The following GIMAP8 variants were observed in gnomAD, a reference collection of about 807,000 sequenced individuals.
GIMAP8 encodes the protein GTPase IMAP family member 8.
In GIMAP8, 29 loss-of-function variants were observed where a neutral mutation model predicts 35.6. The observed-to-expected ratio is 0.81, with a 90% confidence interval of 0.61 to 1.11. The LOEUF (loss-of-function observed/expected upper bound fraction) is 1.11, where lower values mean the gene tolerates loss of function less well. Ranked by LOEUF, GIMAP8 falls within the 50% of genes most tolerant of loss-of-function variation. The pLI, the probability that GIMAP8 is intolerant of heterozygous loss-of-function variation, is 0.00. For missense variants in GIMAP8, 811 were observed against 805.0 expected (o/e 1.01, Z -0.09); for synonymous variants, 335 against 308.7 (o/e 1.09, Z -0.89).
chr7:150,477,081 T>G lies in GIMAP8; in HGVS notation c.1310-11T>G, dbSNP rs761285793. 1 of 1,588,804 alleles carries G rather than the reference T, an allele frequency of 6.3e-7. No homozygotes were observed. On this transcript the variant is annotated splice_polypyrimidine_tract_variant and intron_variant, in intron 4 of 4. Coordinates refer to ENST00000307271, the MANE Select transcript of GIMAP8 (RefSeq NM_175571.4). ...CCATGGTCACGAATCTTTCCCACTT[T>G]CCTTTGACAGAAACCCTGAACATTG...
At chr7:150,471,939 A>G (rs1390449480) in intron 3 of GIMAP8, among the ~76,000 whole-genome samples, 2 of 152,152 alleles carry the variant, frequency 1.3e-5, no homozygotes, top group African/African-American at 2.4e-5. Flanking sequence ...CTCTTAAAAT[A>G]CACCAGTTCA....
At chr7:150,452,885 G>A (rs1801649814) in intron 1 of GIMAP8, among the ~76,000 whole-genome samples, 1 of 150,650 alleles carries the variant, frequency 6.6e-6, no homozygotes, top group Admixed American at 6.6e-5. Flanking sequence ...ACTGCGCCCG[G>A]CCTCCCTCTC....
Position 150,474,189 on chromosome 7 carries a change from T to C in GIMAP8, c.860T>C (p.Leu287Ser), listed in dbSNP as rs1399118689. The C allele has an allele frequency of 1.2e-6, 2 of 1,613,986 alleles. No homozygotes were observed. The highest frequency in any genetic ancestry group is 1.7e-6 in the Non-Finnish European group (2 of 1,179,986). ...FSEQSVTQSF[L>S]SESRSWRKKK... ...GAGCAGTCAGTAACCCAGAGCTTCT[T>C]GTCTGAGAGCAGAAGCTGGAGAAAA... is the stretch of plus-strand genomic sequence containing the variant. The change falls in exon 4 of 5, where the codon TTG becomes TCG. Residue 287 changes from leucine (L) to serine (S), a missense_variant. Leu to Ser is a moderately radical substitution (Grantham distance 145). Transcript: ENST00000307271.
chr7:150,465,683 C>T (rs1801940589), intron 1 of GIMAP8, among the ~76,000 whole-genome samples: 1 of 152,180 alleles, frequency 6.6e-6, no homozygotes, highest in Non-Finnish European at 1.5e-5. Flanking sequence ...AGAGCTGACT[C>T]TGTGGGCTGG....
At position 150,474,089 on chromosome 7, in the gene GIMAP8, G is replaced by T. The variant is rs1214559835; in HGVS notation, c.760G>T (p.Gly254Trp). 1 of 1,614,192 alleles carries T rather than the reference G, an allele frequency of 6.2e-7. No homozygotes were observed. The highest frequency in any genetic ancestry group is 8.5e-7 in the Non-Finnish European group (1 of 1,180,028). ...GTSELTVLLVGKRGAGKSAAG... is the reference protein window; with the variant it reads ...GTSELTVLLVWKRGAGKSAAG... Reference sequence around the variant, plus strand: ...ATCAGAACTGACAGTCCTCCTTGTGGGGAAACGCGGTGCTGGAAAAAGTGC... The same window carrying T: ...ATCAGAACTGACAGTCCTCCTTGTGTGGAAACGCGGTGCTGGAAAAAGTGC... Residue 254 changes from glycine to tryptophan, a missense_variant, in exon 4 of 5, where the codon GGG (glycine) becomes TGG (tryptophan). Coordinates refer to ENST00000307271, the MANE Select transcript of GIMAP8 (RefSeq NM_175571.4).
rs576822956 is a variant in GIMAP8, at chr7:150,471,176, G to A, written c.682+302G>A. The stretch of plus-strand genomic sequence containing the variant: ...GACTCTTCTTTCTGGCCTTGGATCC[G>A]GCCCTGCCCAAGTTTTGACTCCTCT... On this transcript the variant is annotated intron_variant, in intron 3 of 4. Transcript: ENST00000307271. 5.9e-5 allele frequency among the ~76,000 whole-genome samples: 9 copies of A among 152,218 alleles called. 1 individual carries two copies. Among genetic ancestry groups the A allele is most frequent in the South Asian group, 2.1e-4 (1 of 4,816 alleles).
At chr7:150,473,662 C>G (rs990833275) in intron 3 of GIMAP8, among the ~76,000 whole-genome samples, 1 of 151,446 alleles carries the variant, frequency 6.6e-6, no homozygotes, top group African/African-American at 2.4e-5. Flanking sequence ...CTGCTCCTGC[C>G]TTAGCCCCTG....
chr7:150,456,775 AT>A, intron 1 of GIMAP8, among the ~76,000 whole-genome samples: 2 of 152,280 alleles, frequency 1.3e-5, no homozygotes, highest in South Asian at 4.1e-4. Context: ...CAACAGTGTC[AT>A]TTTTTTCAAT....
intron 1 of GIMAP8, among the ~76,000 whole-genome samples, chr7:150,462,124 A>G (rs2116596381): frequency 6.6e-6 from 1 of 152,314 alleles, no homozygotes; most frequent in Middle Eastern, 3.4e-3. Flanking sequence ...GATTATAAAG[A>G]ACCTTCTTAA....
Position 150,477,445 on chromosome 7 carries a change from G to A in GIMAP8, c.1663G>A (p.Asp555Asn), listed in dbSNP as rs1315983606. 2 of 1,613,616 alleles carry A rather than the reference G, an allele frequency of 1.2e-6. No individual in the cohort carries two copies. Among genetic ancestry groups the A allele is most frequent in the African/African-American group, 1.3e-5 (1 of 74,930 alleles). Residue 555 changes from aspartate to asparagine, a missense_variant, in exon 5 of 5, where the codon GAC (aspartate) becomes AAC (asparagine). Physicochemically the swap from Asp to Asn is conservative, Grantham distance 23 (BLOSUM62 1). Transcript: ENST00000307271. ...GAAACTGGAGGCCATCTTTGGAGCA[G>A]ACTTTACGAAATACGCGATTATGCT... is the stretch of plus-strand genomic sequence containing the variant. ...VAKLEAIFGA[D>N]FTKYAIMLFT...
intron 4 of GIMAP8, among the ~76,000 whole-genome samples, chr7:150,476,584 G>A (rs1288566225): frequency 6.6e-6 from 1 of 152,232 alleles, no homozygotes; most frequent in East Asian, 1.9e-4. Context: ...GATATGTAGA[G>A]TTTCTTTTTC....
chr7:150,473,932 G>C lies in GIMAP8; in HGVS notation c.683-80G>C, dbSNP rs1802159280. 4.9e-6 allele frequency: 7 copies of C among 1,422,590 alleles called. No homozygotes were observed. The South Asian group carries it at 8.2e-5, about 17-fold the overall frequency. The allele number at this position is 1,422,590 out of a possible 1,614,324, so 88.1% of individuals were successfully genotyped here. A position where few individuals can be genotyped will look rare whatever the true frequency, so the allele number is the denominator to read the frequency against. On this transcript the variant is annotated intron_variant, in intron 3 of 4. Transcript: ENST00000307271. ...TTGCCATTCTCTATACAAGTTTGCA[G>C]GGATGAGAAATCATAAAACCTGCCC...
intron 1 of GIMAP8, among the ~76,000 whole-genome samples, chr7:150,460,503 C>T (rs192170502): frequency 1.3e-5 from 2 of 152,302 alleles, no homozygotes; most frequent in South Asian, 2.1e-4. Context: ...GAATGAACAA[C>T]CAGGTACACT....
intron 2 of GIMAP8, 119 bp downstream of exon 2, chr7:150,467,453 ATATT>A: frequency 1.3e-6 from 1 of 770,120 alleles, no homozygotes; most frequent in Non-Finnish European, 2.1e-6. Flanking sequence ...GTTTAATAAG[ATATT>A]TATATATAAT....
chr7:150,467,787 C>T (rs1802003403), intron 2 of GIMAP8, among the ~76,000 whole-genome samples: 1 of 152,288 alleles, frequency 6.6e-6, no homozygotes, highest in South Asian at 2.1e-4. Context: ...ACTCTCTTCT[C>T]AGATGATCCC....
At chr7:150,463,347 C>A (rs1219278678) in intron 1 of GIMAP8, among the ~76,000 whole-genome samples, 1 of 151,978 alleles carries the variant, frequency 6.6e-6, no homozygotes, top group Non-Finnish European at 1.5e-5. Context: ...CCAATATTTT[C>A]TTTTCTTTGG....
rs1802294250 is a variant in GIMAP8 at position 150,478,504 on chromosome 7, A to G, written c.*724A>G. 6.6e-6 allele frequency: 1 copy of G among 152,228 alleles called. No homozygotes were observed. The highest frequency in any genetic ancestry group is 6.5e-5 in the Admixed American group (1 of 15,290). 9.4% of individuals were successfully genotyped at this position (152,228 alleles called of 1,614,324 possible). On this transcript the variant is annotated 3_prime_UTR_variant, in exon 5 of 5. Coordinates refer to ENST00000307271, the MANE Select transcript of GIMAP8 (RefSeq NM_175571.4). Reference sequence around the variant, plus strand: ...CTAGAACAGAAATTAGAAGCATAGTAAGATTGCCAAAATCAGAGAATCTTG... The same window carrying G: ...CTAGAACAGAAATTAGAAGCATAGTGAGATTGCCAAAATCAGAGAATCTTG...
Position 150,467,287 on chromosome 7 carries a change from G to T in GIMAP8, c.589G>T (p.Gly197Ter). 11 of 1,614,116 alleles carry T rather than the reference G, an allele frequency of 6.8e-6. No individual in the cohort carries two copies. Among genetic ancestry groups the T allele is most frequent in the Non-Finnish European group, 9.3e-6 (11 of 1,179,988 alleles). ...RKVESLVNTN[G>*]GPYHVNFKTE... ...GGTTGAGTCTTTGGTGAATACGAACGGAGGACCCTATCATGTGAACTTCAA... is the reference window on the plus strand; with the variant it reads ...GGTTGAGTCTTTGGTGAATACGAACTGAGGACCCTATCATGTGAACTTCAA... The change falls in exon 2 of 5, where the codon GGA (glycine) becomes TGA (stop). Residue 197 changes from glycine (G) to a stop codon, truncating the protein, a stop_gained. Coordinates refer to ENST00000307271, the MANE Select transcript of GIMAP8 (RefSeq NM_175571.4). LOFTEE classifies it high-confidence loss of function.
chr7:150,470,470 A>G (rs891436927), intron 2 of GIMAP8, among the ~76,000 whole-genome samples: 2 of 151,878 alleles, frequency 1.3e-5, no homozygotes, highest in Admixed American at 6.6e-5. Context: ...TGTTGTCTCC[A>G]TTTGCCAGAC....
Sources: allele counts gnomAD v4.1 joint callset (sites outside exome capture counted in the v4.1 genomes callset), GRCh38; gene constraint gnomAD v4.1.1; transcripts MANE v1.5; gene names NCBI Gene and HGNC (gene_info 2026-07-23, HGNC 2026-07-21).